GTF2F2: variants seen among roughly 807,000 people sequenced by gnomAD.
GTF2F2 encodes ATP-dependent helicase GTF2F2.
GTF2F2 carries 23 observed loss-of-function variants against 42.2 expected under a neutral mutation model. The observed-to-expected ratio is 0.55, with a 90% CI of 0.39 to 0.77. The LOEUF is 0.77. Among genes scored for constraint, GTF2F2 ranks in the 30% least tolerant of loss-of-function variants. The pLI, the probability that GTF2F2 is intolerant of heterozygous loss-of-function variation, is 0.00. For synonymous variants in GTF2F2, 105 were observed against 100.8 expected (o/e 1.04, Z -0.25); for missense variants, 261 against 287.2 (o/e 0.91, Z 0.66).
chr13:45,257,486 C>T (rs2138253063), intron 6 of GTF2F2, among the ~76,000 whole-genome samples: 1 of 152,284 alleles, frequency 6.6e-6, no homozygotes, highest in South Asian at 2.1e-4. Flanking sequence ...ATTATATCCT[C>T]CTCTTAAATT....
Position 45,202,439 on chromosome 13 carries a change from G to GT in GTF2F2, c.305-4985_305-4984insT, listed in dbSNP as rs766145366. On this transcript the variant is annotated intron_variant, in intron 4 of 7. Coordinates refer to ENST00000340473, the MANE Select transcript of GTF2F2 (RefSeq NM_004128.3). ...TTGATCTCTAGCTAGACATCTGAGT[G>GT]GGTGTGTGTGTGTGTGCAAGTACAT... Among the ~76,000 whole-genome samples, 162 of 146,836 alleles carry GT rather than the reference G, an allele frequency of 1.1e-3. No homozygotes were observed. In the Middle Eastern group the frequency reaches 0.014, roughly 13 times the overall value.
At chr13:45,280,011 G>GC (rs1877196477) in intron 7 of GTF2F2, among the ~76,000 whole-genome samples, 1 of 151,932 alleles carries the variant, frequency 6.6e-6, no homozygotes. Context: ...CGAAGGTTGT[G>GC]CGGTGTGAAA....
chr13:45,220,106 A>G (rs1232863620), intron 5 of GTF2F2, among the ~76,000 whole-genome samples: 1 of 152,226 alleles, frequency 6.6e-6, no homozygotes, highest in African/African-American at 2.4e-5. Flanking sequence ...TAGGTGCGTG[A>G]TAAATACTTG....
At chr13:45,242,256 CTTTTT>C (rs71184405) in intron 5 of GTF2F2, among the ~76,000 whole-genome samples, 1 of 105,680 alleles carries the variant, frequency 9.5e-6, no homozygotes, top group Non-Finnish European at 1.9e-5. Flanking sequence ...GCTGGCACTT[CTTTTT>C]TTTTTTTTTT....
At chr13:45,190,415 G>A (rs1391563556) in intron 4 of GTF2F2, among the ~76,000 whole-genome samples, 8 of 152,080 alleles carry the variant, frequency 5.3e-5, no homozygotes, top group Admixed American at 2.6e-4. Flanking sequence ...TTTCTGCCAC[G>A]TTCTAGGTGT....
chr13:45,140,682 T>G (rs1044880364), intron 2 of GTF2F2, among the ~76,000 whole-genome samples: 1 of 152,036 alleles, frequency 6.6e-6, no homozygotes, highest in Non-Finnish European at 1.5e-5. Flanking sequence ...AATGTACAGG[T>G]TTTTTTTCCC....
chr13:45,206,175 A>G (rs1873404030), intron 4 of GTF2F2, among the ~76,000 whole-genome samples: 2 of 152,068 alleles, frequency 1.3e-5, no homozygotes, highest in Non-Finnish European at 2.9e-5. Context: ...GATTTGTTGC[A>G]TATGTTGCAT....
chr13:45,243,809 T>G (rs1220231267), intron 5 of GTF2F2, among the ~76,000 whole-genome samples: 1 of 152,088 alleles, frequency 6.6e-6, no homozygotes, highest in African/African-American at 2.4e-5. Context: ...TACAGGCAGC[T>G]GCCACCACAC....
chr13:45,257,467 T>C (rs551336283), intron 6 of GTF2F2, among the ~76,000 whole-genome samples: 3 of 152,354 alleles, frequency 2.0e-5, no homozygotes, highest in African/African-American at 4.8e-5. Context: ...AAAAAACTTG[T>C]AGTTTCTGAT....
intron 6 of GTF2F2, among the ~76,000 whole-genome samples, chr13:45,254,539 A>G (rs866935159): frequency 6.6e-6 from 1 of 152,304 alleles, no homozygotes; most frequent in South Asian, 2.1e-4. Context: ...TACCAACCCT[A>G]TGAAGAAACT....
intron 6 of GTF2F2, among the ~76,000 whole-genome samples, chr13:45,262,464 G>A (rs777232686): frequency 3.9e-5 from 6 of 152,104 alleles, no homozygotes; most frequent in African/African-American, 7.2e-5. Context: ...GTCTCACTCC[G>A]TTGCCCAGGT....
intron 2 of GTF2F2, among the ~76,000 whole-genome samples, chr13:45,138,554 C>T (rs1247721155): frequency 6.6e-6 from 1 of 152,188 alleles, no homozygotes; most frequent in African/African-American, 2.4e-5. Context: ...TCAGCCAACT[C>T]TAGCTTTGTG....
chr13:45,237,335 C>T (rs1407505496), intron 5 of GTF2F2, among the ~76,000 whole-genome samples: 1 of 152,000 alleles, frequency 6.6e-6, no homozygotes, highest in African/African-American at 2.4e-5. Flanking sequence ...CTAAATATCC[C>T]CTATCAGAAT....
At chr13:45,165,208 T>C (rs1184755444) in intron 4 of GTF2F2, among the ~76,000 whole-genome samples, 1 of 149,852 alleles carries the variant, frequency 6.7e-6, no homozygotes, top group Non-Finnish European at 1.5e-5. Context: ...ATCTATATAT[T>C]CATATATATG....
chr13:45,244,078 G>T (rs1875463083), intron 5 of GTF2F2, among the ~76,000 whole-genome samples: 1 of 152,136 alleles, frequency 6.6e-6, no homozygotes. Context: ...ATGAACCATG[G>T]TTATGTCGCA....
chr13:45,181,181 C>CAA (rs1566125526), intron 4 of GTF2F2, among the ~76,000 whole-genome samples: 3 of 125,916 alleles, frequency 2.4e-5, no homozygotes, highest in African/African-American at 1.0e-4. Flanking sequence ...GACAAAAAAA[C>CAA]AAACAAACAA....
chr13:45,184,106 T>G (rs147458466), intron 4 of GTF2F2, among the ~76,000 whole-genome samples: 23 of 152,192 alleles, frequency 1.5e-4, no homozygotes, highest in African/African-American at 4.8e-4. Context: ...TCTGCCCGCC[T>G]CAACCTCCCA....
rs1393881974 is a variant in GTF2F2, at chr13:45,134,967, T to A, written c.67-1766T>A. On this transcript the variant is annotated intron_variant, in intron 1 of 7. Transcript: ENST00000340473. ...ATATTGTCTAACTTTTTTTTTTTTT[T>A]TTTGACACAAGAGTCTCTCTCTGTC... 2.1e-4 allele frequency among the ~76,000 whole-genome samples: 32 copies of A among 151,884 alleles called. 1 individual carries two copies. Among genetic ancestry groups the A allele is most frequent in the Non-Finnish European group, 3.7e-4 (25 of 67,956 alleles).
intron 4 of GTF2F2, among the ~76,000 whole-genome samples, chr13:45,201,480 T>G (rs1873176800): frequency 6.6e-6 from 1 of 152,336 alleles, no homozygotes; most frequent in South Asian, 2.1e-4. Flanking sequence ...GACATTCTAG[T>G]AATATCATTA....
Sources: allele counts gnomAD v4.1 joint callset (sites outside exome capture counted in the v4.1 genomes callset), GRCh38; gene constraint gnomAD v4.1.1; transcripts MANE v1.5; gene names NCBI Gene and HGNC (gene_info 2026-07-23, HGNC 2026-07-21).